The following KEL variants were observed in gnomAD, a reference collection of about 807,000 sequenced individuals.
KEL encodes kell blood group glycoprotein.
A neutral mutation model predicts 99.5 loss-of-function variants in KEL; 96 were observed. The observed-to-expected ratio is 0.97, with a 90% confidence interval of 0.82 to 1.14. The LOEUF (loss-of-function observed/expected upper bound fraction) is 1.14. KEL is among the 50% of genes most tolerant of loss of function. The pLI is 0.00. For missense variants in KEL, 926 were observed against 924.2 expected, an observed-to-expected ratio of 1.00 and a Z score of -0.03; for synonymous variants, 355 against 354.8, an observed-to-expected ratio of 1.00 and a Z score of -0.01.
chr7:142,946,039 A>G (rs1796514612), intron 11 of KEL, 168 bp downstream of exon 11: 3 of 628,074 alleles, frequency 4.8e-6, no homozygotes, highest in Admixed American at 2.5e-5. Context: ...CTGTTTCCAC[A>G]CCAGGGATGG....
chr7:142,958,087 T>C, intron 5 of KEL, 114 bp from the exon 6 acceptor site: 1 of 1,395,016 alleles, frequency 7.2e-7, no homozygotes, highest in South Asian at 1.2e-5. Context: ...CGCCCTTCGA[T>C]TCCTCTAGGA....
Position 142,942,953 on chromosome 7 carries a change from AG to A in KEL, c.1862del (p.Pro621LeufsTer13), listed in dbSNP as rs758007153. The A allele has an allele frequency of 1.2e-6, 2 of 1,614,186 alleles. No homozygotes were observed. The highest frequency in any genetic ancestry group is 2.2e-5 in the South Asian group (2 of 91,084). ...LKRHYAAFPL[P>X]SRTSFNDSLT... ...GGGAGTCATTGAAGGAGGTTCTGCT[AG>A]GTAATGGAAAGGCAGCATAATGGCG... is the stretch of plus-strand genomic sequence containing the variant. On this transcript the variant is annotated frameshift_variant, in exon 17 of 19. Transcript: ENST00000355265. LOFTEE classifies it high-confidence loss of function.
intron 10 of KEL, among the ~76,000 whole-genome samples, chr7:142,950,742 C>T (rs894359349): frequency 6.6e-6 from 1 of 152,128 alleles, no homozygotes; most frequent in Non-Finnish European, 1.5e-5. Flanking sequence ...ATCACGAAGT[C>T]GATATTTACT....
At chr7:142,954,558 G>A in intron 6 of KEL, 31 bp from the exon 7 acceptor site, 1 of 1,606,118 alleles carries the variant, frequency 6.2e-7, no homozygotes, top group Non-Finnish European at 8.5e-7. Flanking sequence ...AGAGAAGCAG[G>A]GAGCATGGCG....
At chr7:142,952,669 C>G in intron 9 of KEL, 31 bp from the exon 10 acceptor site, 1 of 1,613,132 alleles carries the variant, frequency 6.2e-7, no homozygotes, top group Non-Finnish European at 8.5e-7. Context: ...CACACATATA[C>G]CCCAGGAATC....
chr7:142,942,557 A>C (rs891209890), intron 17 of KEL, 28 bp from the exon 18 acceptor site: 1 of 1,525,924 alleles, frequency 6.6e-7, no homozygotes, highest in Non-Finnish European at 9.0e-7. Context: ...GAGAAGGGCC[A>C]TCAGGCTCTA....
intron 14 of KEL, 89 bp downstream of exon 14, chr7:142,943,694 C>T: frequency 2.1e-6 from 3 of 1,452,744 alleles, no homozygotes; most frequent in Non-Finnish European, 1.9e-6. Context: ...ACTGTTCATG[C>T]TGCCTGCCCT....
rs373970435 is a variant in KEL, at chr7:142,957,992, G to A, written c.526-19C>T. ...CTCCAAGCTTTAAAGGAGAGAGAGG[G>A]GGCTGAGCATAAGGATCCGTGGAGC... On this transcript the variant is annotated intron_variant, in intron 5 of 18. Coordinates refer to ENST00000355265, the MANE Select transcript of KEL (RefSeq NM_000420.3). 143 of 1,612,276 alleles carry A rather than the reference G, an allele frequency of 8.9e-5. No homozygotes were observed. Among genetic ancestry groups the A allele is most frequent in the Non-Finnish European group, 1.1e-4 (124 of 1,179,204 alleles).
chr7:142,945,213 G>A (rs960920049), intron 11 of KEL, among the ~76,000 whole-genome samples: 14 of 152,252 alleles, frequency 9.2e-5, no homozygotes, highest in East Asian at 3.9e-4. Flanking sequence ...CCTTCACAAC[G>A]TGAGTGTGTA....
At position 142,961,461 on chromosome 7, in the gene KEL, G is replaced by A; in HGVS notation, c.122C>T (p.Pro41Leu). The A allele has an allele frequency of 6.2e-7, 1 of 1,610,730 alleles. No individual in the cohort carries two copies. Among genetic ancestry groups the A allele is most frequent in the East Asian group, 2.2e-5 (1 of 44,810 alleles). The change falls in exon 3 of 19, where the codon CCA (proline) becomes CTA (leucine). Residue 41 changes from proline to leucine, a missense_variant. By Grantham distance (98) the Pro-to-Leu change is moderately conservative (BLOSUM62 -3). Transcript: ENST00000355265. ...EERLPVEGSR[P>L]WAVARRVLTA... is the part of the protein sequence containing the mutation. The stretch of plus-strand genomic sequence containing the variant: ...CAGCACCCGCCTGGCCACTGCCCAT[G>A]GCCTGCTCCCTTCCACGGGCAGCCT...
chr7:142,958,060 G>T, intron 5 of KEL, 87 bp from the exon 6 acceptor site: 1 of 1,507,570 alleles, frequency 6.6e-7, no homozygotes, highest in African/African-American at 1.4e-5. Flanking sequence ...AGCTGCTACT[G>T]CCTGACCTCT....
Position 142,941,156 on chromosome 7 carries a change from A to T in KEL, c.*96T>A. On this transcript the variant is annotated 3_prime_UTR_variant, in exon 19 of 19. Coordinates refer to ENST00000355265, the MANE Select transcript of KEL (RefSeq NM_000420.3). ...GCCAAGTGCCAGCTTTTATTTTTGG[A>T]ACAGAAGCAGAAAGGAAATCTTGCT... 7.1e-7 allele frequency: 1 copy of T among 1,404,446 alleles called. No individual in the cohort carries two copies. The highest frequency in any genetic ancestry group is 1.0e-6 in the Non-Finnish European group (1 of 993,834). 87.0% of individuals were successfully genotyped at this position (1,404,446 alleles called of 1,614,324 possible).
chr7:142,943,111 T>C, intron 16 of KEL, 67 bp from the exon 17 acceptor site: 1 of 1,591,536 alleles, frequency 6.3e-7, no homozygotes, highest in Admixed American at 1.7e-5. Context: ...TAGGTGAGGA[T>C]GTGGGTGGTA....
At chr7:142,947,912 C>T (rs529435017) in intron 10 of KEL, among the ~76,000 whole-genome samples, 11 of 152,276 alleles carry the variant, frequency 7.2e-5, no homozygotes, top group East Asian at 1.9e-4. Flanking sequence ...AAAAGAAGTC[C>T]GGGTCTGAAA....
At position 142,941,269 on chromosome 7, in the gene KEL, G is replaced by A. The variant is rs775361976; in HGVS notation, c.2182C>T (p.Arg728Cys). Reference sequence around the variant, plus strand: ...TAACCAAGTTACCAGAGCTGGCAGCGGCTGGAGGGGTTCAAGAGAGCACCA... The same window carrying A: ...TAACCAAGTTACCAGAGCTGGCAGCAGCTGGAGGGGTTCAAGAGAGCACCA... ...ARGALLNPSS[R>C]CQLW The change falls in exon 19 of 19, where the codon CGC (arginine) becomes TGC (cysteine). Residue 728 changes from arginine (R) to cysteine (C), a missense_variant. By Grantham distance (180) the Arg-to-Cys change is radical (BLOSUM62 -3). Coordinates refer to ENST00000355265, the MANE Select transcript of KEL (RefSeq NM_000420.3). 2.4e-5 allele frequency: 39 copies of A among 1,614,010 alleles called. No homozygotes were observed. The highest frequency in any genetic ancestry group is 1.3e-4 in the Admixed American group (8 of 59,996).
At chr7:142,958,537 C>T in intron 4 of KEL, 109 bp from the exon 5 acceptor site, 1 of 1,004,276 alleles carries the variant, frequency 1.0e-6, no homozygotes, top group East Asian at 2.6e-5. Context: ...AAGTTCTCAT[C>T]AGATGGGTTT....
At position 142,955,291 on chromosome 7, in the gene KEL, A is replaced by G. The variant is rs6954192; in HGVS notation, c.673-764T>C. ...TGCTTATCATGGACTTTTTTTCCCC[A>G]AAAAAACATACTTTTAGTCAATTTT... On this transcript the variant is annotated intron_variant, in intron 6 of 18. Coordinates refer to ENST00000355265, the MANE Select transcript of KEL (RefSeq NM_000420.3). Among the ~76,000 whole-genome samples, 4 of 152,228 alleles carry G rather than the reference A, an allele frequency of 2.6e-5. No homozygotes were observed. In the South Asian group the frequency reaches 6.2e-4, roughly 24 times the overall value.
At chr7:142,957,201 C>T (rs1189694513) in intron 6 of KEL, among the ~76,000 whole-genome samples, 3 of 152,180 alleles carry the variant, frequency 2.0e-5, no homozygotes, top group African/African-American at 7.2e-5. Flanking sequence ...ATTTGAAAAA[C>T]ATGTAAGTTT....
At chr7:142,961,918 A>T in intron 1 of KEL, 46 bp from the exon 2 acceptor site, 1 of 1,607,462 alleles carries the variant, frequency 6.2e-7, no homozygotes, top group Non-Finnish European at 8.5e-7. Context: ...CTGGTTCAGG[A>T]AATGGTGCAT....
Sources: gnomAD v4.1 joint callset for allele counts (sites outside exome capture counted in the v4.1 genomes callset) on GRCh38, gnomAD v4.1.1 for gene constraint, MANE v1.5 for transcripts, NCBI Gene and HGNC (gene_info 2026-07-23, HGNC 2026-07-21) for gene names.